MARCHF10: variants seen among roughly 807,000 people sequenced by gnomAD.
MARCHF10 encodes the protein probable E3 ubiquitin-protein ligase MARCHF10.
A neutral mutation model predicts 76.2 loss-of-function variants in MARCHF10; 64 were observed. That is an observed-to-expected ratio of 0.84 (90% CI 0.69 to 1.03). The LOEUF (loss-of-function observed/expected upper bound fraction) is 1.03, where lower values mean the gene tolerates loss of function less well. Among genes scored for constraint, MARCHF10 ranks in the 50% least tolerant of loss-of-function variants. The pLI, the probability that MARCHF10 is intolerant of heterozygous loss-of-function variation, is 0.00. For missense variants in MARCHF10, 875 were observed against 958.0 expected (o/e 0.91, Z 1.14); for synonymous variants, 340 against 357.5 (o/e 0.95, Z 0.55).
At chr17:62,740,000 G>A (rs527570986) in intron 5 of MARCHF10, among the ~76,000 whole-genome samples, 5 of 151,648 alleles carry the variant, frequency 3.3e-5, no homozygotes, top group East Asian at 3.9e-4. Flanking sequence ...CCCCTGTCTC[G>A]TCACCACAAT....
intron 8 of MARCHF10, chr17:62,714,457 A>C (rs1024653): frequency 0.38 from 369,011 of 976,008 alleles, 71,511 homozygotes; most frequent in Non-Finnish European, 0.39. Flanking sequence ...ATTTAAAGAC[A>C]GGATTCCAGG....
chr17:62,712,920 T>G lies in MARCHF10; in HGVS notation c.2215-1576A>C, dbSNP rs551704198. On this transcript the variant is annotated intron_variant, in intron 8 of 10. Transcript: ENST00000311269. The surrounding 1 kb of genome is among the most constrained non-coding windows in gnomAD (Gnocchi z 4.2). The stretch of plus-strand genomic sequence containing the variant: ...CCACCACGCCCAGCTAATTTTTGTA[T>G]TTTTAGTAGAGATGGGGTTTCATCA... Among the ~76,000 whole-genome samples, 2 of 152,146 alleles carry G rather than the reference T, an allele frequency of 1.3e-5. No homozygotes were observed. The highest frequency in any genetic ancestry group is 4.2e-4 in the South Asian group (2 of 4,810).
chr17:62,795,356 C>CAAAAAA lies in MARCHF10; in HGVS notation c.90+6284_90+6289dup, dbSNP rs61564298. On this transcript the variant is annotated intron_variant, in intron 2 of 10. Transcript: ENST00000311269. ...CCTCCAGTTACATAAATCATTTGAT[C>CAAAAAA]AAAAAAAAAAAAAAAAAAAAAAAAA... Among the ~76,000 whole-genome samples the CAAAAAA allele has an allele frequency of 1.0e-3, 53 of 52,942 alleles. 1 individual carries two copies. The highest frequency in any genetic ancestry group is 3.1e-3 in the African/African-American group (44 of 14,244). 34.7% of individuals were successfully genotyped at this position (52,942 alleles called of 152,430 possible). A position where few individuals can be genotyped will look rare whatever the true frequency, so the allele number is the denominator to read the frequency against.
rs1050627360 is a variant in MARCHF10, at chr17:62,734,148, C to T, written c.1937+1783G>A. ...GCAGTGAGTCGCGATCATGCCACTG[C>T]GCTCCAGCCTGGGAGACAGAGTAAG... On this transcript the variant is annotated intron_variant, in intron 6 of 10. Coordinates refer to ENST00000311269, the MANE Select transcript of MARCHF10 (RefSeq NM_152598.4). Among the ~76,000 whole-genome samples the T allele has an allele frequency of 5.9e-5, 9 of 151,932 alleles. No individual in the cohort carries two copies. The South Asian group carries it at 1.0e-3, about 18-fold the overall frequency.
At position 62,722,504 on chromosome 17, in the gene MARCHF10, T is replaced by C; in HGVS notation, c.2198A>G (p.Lys733Arg). The part of the protein sequence containing the change: ...GDFNMIEFYQ[K>R]HQQSQAQNEL... ...ATTTCTTACCTGAGATTGCTGGTGC[T>C]TCTGGTAGAACTCAATCATGTTAAA... Residue 733 changes from lysine to arginine, a missense_variant, in exon 8 of 11, where the codon AAG becomes AGG. Transcript: ENST00000311269. The C allele has an allele frequency of 6.2e-7, 1 of 1,613,172 alleles. No homozygotes were observed. Among genetic ancestry groups the C allele is most frequent in the Non-Finnish European group, 8.5e-7 (1 of 1,179,622 alleles).
At chr17:62,802,305 C>T (rs889663462) in intron 1 of MARCHF10, among the ~76,000 whole-genome samples, 4 of 152,054 alleles carry the variant, frequency 2.6e-5, no homozygotes, top group African/African-American at 7.2e-5. Context: ...CTGCAACCTC[C>T]GCCTCCCGGG....
At chr17:62,773,927 A>G (rs896141511) in intron 3 of MARCHF10, among the ~76,000 whole-genome samples, 2 of 152,222 alleles carry the variant, frequency 1.3e-5, no homozygotes, top group Non-Finnish European at 2.9e-5. Context: ...ATGAGGCAGA[A>G]GATGATGGAT....
chr17:62,749,308 C>T (rs1195154320), intron 4 of MARCHF10, among the ~76,000 whole-genome samples: 1 of 152,186 alleles, frequency 6.6e-6, no homozygotes, highest in Non-Finnish European at 1.5e-5. Flanking sequence ...CACTTGTCAT[C>T]CACAGATAGT....
chr17:62,769,296 T>C (rs977062777), intron 3 of MARCHF10, among the ~76,000 whole-genome samples: 3 of 152,238 alleles, frequency 2.0e-5, no homozygotes, highest in East Asian at 1.9e-4. Flanking sequence ...TTGGCACTGA[T>C]TGAATAGCCT....
chr17:62,743,160 T>A (rs2091576786), intron 5 of MARCHF10, among the ~76,000 whole-genome samples: 1 of 152,168 alleles, frequency 6.6e-6, no homozygotes, highest in East Asian at 1.9e-4. Flanking sequence ...AAGATGCCAT[T>A]GCTGGGAGGA....
chr17:62,741,128 CTTA>C (rs1210310985), intron 5 of MARCHF10, among the ~76,000 whole-genome samples: 2 of 152,118 alleles, frequency 1.3e-5, no homozygotes, highest in Non-Finnish European at 2.9e-5. Flanking sequence ...AATTAAGTAT[CTTA>C]TTATGAGCAT....
chr17:62,722,181 G>A (rs2090519090), intron 8 of MARCHF10, among the ~76,000 whole-genome samples: 2 of 151,636 alleles, frequency 1.3e-5, no homozygotes, highest in African/African-American at 2.4e-5. Context: ...TACTCAGGAG[G>A]CTGAGGTGGG....
chr17:62,764,217 C>T (rs1008880005), intron 3 of MARCHF10, among the ~76,000 whole-genome samples: 14 of 152,140 alleles, frequency 9.2e-5, no homozygotes, highest in East Asian at 1.9e-4. Flanking sequence ...CTAAGGCAGT[C>T]GGGGACAGAA....
intron 4 of MARCHF10, among the ~76,000 whole-genome samples, chr17:62,753,127 C>A (rs1316201996): frequency 2.6e-5 from 4 of 151,896 alleles, no homozygotes; most frequent in Non-Finnish European, 5.9e-5. Context: ...TGAGATGGAG[C>A]CTTGCTCTGT....
chr17:62,737,594 C>T (rs929059282), intron 5 of MARCHF10: 4 of 464,306 alleles, frequency 8.6e-6, no homozygotes, highest in East Asian at 4.3e-5. Context: ...CAGAAGCTCC[C>T]GGAAGACTGG....
At chr17:62,751,911 T>C (rs973053437) in intron 4 of MARCHF10, among the ~76,000 whole-genome samples, 3 of 151,954 alleles carry the variant, frequency 2.0e-5, no homozygotes, top group African/African-American at 7.3e-5. Flanking sequence ...TCTCAGCTAT[T>C]TGGGAGGCTG....
chr17:62,774,506 G>A (rs2092510493), intron 3 of MARCHF10, among the ~76,000 whole-genome samples: 1 of 152,164 alleles, frequency 6.6e-6, no homozygotes, highest in Admixed American at 6.5e-5. Context: ...GTGGTCTGGA[G>A]CAGCAGTGGG....
chr17:62,731,982 T>C (rs1404599374), intron 6 of MARCHF10, among the ~76,000 whole-genome samples: 2 of 152,194 alleles, frequency 1.3e-5, no homozygotes, highest in African/African-American at 4.8e-5. Flanking sequence ...ATATAGTCAG[T>C]TGGATTTCTA....
chr17:62,716,223 C>T (rs2090188161), intron 8 of MARCHF10, among the ~76,000 whole-genome samples: 1 of 152,170 alleles, frequency 6.6e-6, no homozygotes, highest in Non-Finnish European at 1.5e-5. Context: ...CGGTAGGGCC[C>T]TGCGGGTCTT....
Sources: allele counts gnomAD v4.1 joint callset (sites outside exome capture counted in the v4.1 genomes callset), GRCh38; gene constraint gnomAD v4.1.1; non-coding constraint Gnocchi (gnomAD v3.1); transcripts MANE v1.5; gene names NCBI Gene and HGNC (gene_info 2026-07-23, HGNC 2026-07-21).